EXOC6B: variants seen among roughly 807,000 people sequenced by gnomAD.
EXOC6B encodes the protein exocyst complex component 6B, also known as SEC15 homolog B.
In EXOC6B, 54 loss-of-function variants were observed where a neutral mutation model predicts 113.5. The observed-to-expected ratio is 0.48, with a 90% CI of 0.38 to 0.60. The LOEUF is 0.60. Among genes scored for constraint, EXOC6B ranks in the 20% least tolerant of loss-of-function variants. EXOC6B has a pLI of 0.00. For missense variants in EXOC6B, 797 were observed against 977.5 expected (o/e 0.82, Z 2.46); for synonymous variants, 357 against 339.0 (o/e 1.05, Z -0.58).
At chr2:72,192,227 C>A (rs1326628829) in intron 20 of EXOC6B, among the ~76,000 whole-genome samples, 1 of 152,088 alleles carries the variant, frequency 6.6e-6, no homozygotes, top group African/African-American at 2.4e-5. Context: ...AGATTCTCAG[C>A]AGGTAGTCAG....
At chr2:72,403,268 C>A (rs970801370) in intron 18 of EXOC6B, among the ~76,000 whole-genome samples, 11 of 152,148 alleles carry the variant, frequency 7.2e-5, no homozygotes, top group Non-Finnish European at 1.5e-4. Flanking sequence ...CACTTTATAA[C>A]ATTTTGAAAC....
chr2:72,641,046 A>G (rs1327213815), intron 6 of EXOC6B, among the ~76,000 whole-genome samples: 1 of 152,180 alleles, frequency 6.6e-6, no homozygotes, highest in East Asian at 1.9e-4. Context: ...TCCCGCTGAC[A>G]ATATTTGACA....
At chr2:72,612,778 T>C (rs768493956) in intron 6 of EXOC6B, among the ~76,000 whole-genome samples, 1 of 152,190 alleles carries the variant, frequency 6.6e-6, no homozygotes, top group Non-Finnish European at 1.5e-5. Flanking sequence ...CTCCCTATAC[T>C]TCCTTACAAG....
At position 72,259,464 on chromosome 2, in the gene EXOC6B, T is replaced by C. The variant is rs1017074872; in HGVS notation, c.2197-75277A>G. On this transcript the variant is annotated intron_variant, in intron 20 of 21. Transcript: ENST00000272427. ...AACTCTTGGGATCTTTCATCTTCTT[T>C]AAATTACTAATGCAGTTGCTATGAA... Among the ~76,000 whole-genome samples, 8 of 152,226 alleles carry C rather than the reference T, an allele frequency of 5.3e-5. No individual in the cohort carries two copies. In the South Asian group the frequency reaches 1.7e-3, roughly 32 times the overall value.
intron 20 of EXOC6B, among the ~76,000 whole-genome samples, chr2:72,214,964 C>T (rs13430254): frequency 6.6e-6 from 1 of 152,076 alleles, no homozygotes; most frequent in East Asian, 1.9e-4. Context: ...GGAGGAAATG[C>T]AGCAAAGAGG....
At chr2:72,282,119 T>C (rs928003095) in intron 20 of EXOC6B, among the ~76,000 whole-genome samples, 2 of 152,126 alleles carry the variant, frequency 1.3e-5, no homozygotes, top group Non-Finnish European at 2.9e-5. Flanking sequence ...GCTGAGATGA[T>C]TCAACATCTG....
chr2:72,465,323 G>T lies in EXOC6B; in HGVS notation c.1817C>A (p.Ala606Asp), dbSNP rs1377805911. 6.3e-7 allele frequency: 1 copy of T among 1,598,028 alleles called. No homozygotes were observed. The highest frequency in any genetic ancestry group is 8.5e-7 in the Non-Finnish European group (1 of 1,171,958). ...TTTFKDARHA[A>D]EEEIYTNLNQ... The stretch of plus-strand genomic sequence containing the variant: ...TAAGTTGGTATAAATCTCTTCTTCA[G>T]CTGCATGTCTAGCATCCTGTGAAAA... Residue 606 changes from alanine to aspartate, a missense_variant, in exon 18 of 22, where the codon GCT (alanine) becomes GAT (aspartate). Physicochemically the swap from Ala to Asp is moderately radical, Grantham distance 126 (BLOSUM62 -2). Coordinates refer to ENST00000272427, the MANE Select transcript of EXOC6B (RefSeq NM_015189.3).
intron 5 of EXOC6B, among the ~76,000 whole-genome samples, chr2:72,720,256 T>G (rs1436639108): frequency 1.3e-5 from 2 of 149,900 alleles, no homozygotes; most frequent in African/African-American, 4.9e-5. Flanking sequence ...ACATGAAAAA[T>G]AGAAAACAAA....
At chr2:72,527,414 T>C (rs528096717) in intron 8 of EXOC6B, among the ~76,000 whole-genome samples, 3 of 152,098 alleles carry the variant, frequency 2.0e-5, no homozygotes, top group African/African-American at 4.8e-5. Flanking sequence ...TATTCTATTA[T>C]ATCAATGTAC....
At chr2:72,645,422 G>A (rs953210762) in intron 6 of EXOC6B, among the ~76,000 whole-genome samples, 47 of 152,140 alleles carry the variant, frequency 3.1e-4, no homozygotes, top group Non-Finnish European at 4.9e-4. Context: ...ATTGAACTCA[G>A]CTCTGCACCA....
At chr2:72,315,921 T>C (rs1188448879) in intron 20 of EXOC6B, among the ~76,000 whole-genome samples, 1 of 152,216 alleles carries the variant, frequency 6.6e-6, no homozygotes, top group African/African-American at 2.4e-5. Flanking sequence ...GGCTATGTTA[T>C]ATTTTCAACA....
At chr2:72,390,477 T>G (rs1018635864) in intron 18 of EXOC6B, among the ~76,000 whole-genome samples, 2 of 152,222 alleles carry the variant, frequency 1.3e-5, no homozygotes, top group African/African-American at 4.8e-5. Flanking sequence ...AATTTTTTAT[T>G]GAATACTGGA....
rs1033107536 is a variant in EXOC6B, at chr2:72,232,254, T to G, written c.2197-48067A>C. On this transcript the variant is annotated intron_variant, in intron 20 of 21. Coordinates refer to ENST00000272427, the MANE Select transcript of EXOC6B (RefSeq NM_015189.3). ...CCTCCCAAAGTGCTGGTATTACAGGTGTGAGCCACTGTGCCCAGCCTCTGC... is the reference window on the plus strand; with the variant it reads ...CCTCCCAAAGTGCTGGTATTACAGGGGTGAGCCACTGTGCCCAGCCTCTGC... 8.5e-5 allele frequency among the ~76,000 whole-genome samples: 13 copies of G among 152,226 alleles called. No individual in the cohort carries two copies. In the South Asian group the frequency reaches 2.7e-3, roughly 32 times the overall value.
intron 20 of EXOC6B, among the ~76,000 whole-genome samples, chr2:72,295,422 T>C (rs940370637): frequency 3.9e-5 from 6 of 152,218 alleles, no homozygotes; most frequent in Non-Finnish European, 7.3e-5. Context: ...TTTCACTTTC[T>C]TGCATGTAAT....
At chr2:72,296,275 G>T (rs2104734251) in intron 20 of EXOC6B, among the ~76,000 whole-genome samples, 1 of 152,126 alleles carries the variant, frequency 6.6e-6, no homozygotes, top group East Asian at 1.9e-4. Flanking sequence ...TGATATGTTT[G>T]GGGGAGAAGA....
rs955996703 is a variant in EXOC6B at position 72,711,671 on chromosome 2, G to C, written c.669+6432C>G. 5.3e-5 allele frequency among the ~76,000 whole-genome samples: 8 copies of C among 152,040 alleles called. No individual in the cohort carries two copies. In the East Asian group the frequency reaches 1.5e-3, roughly 29 times the overall value. ...TAAAATAGAACAATTATAACCATAT[G>C]CCAGTATCATTACTCTTGCACTTTG... On this transcript the variant is annotated intron_variant, in intron 6 of 21. Coordinates refer to ENST00000272427, the MANE Select transcript of EXOC6B (RefSeq NM_015189.3).
rs995526757 is a variant in EXOC6B at position 72,430,217 on chromosome 2, G to C, written c.1980+34943C>G. On this transcript the variant is annotated intron_variant, in intron 18 of 21. Transcript: ENST00000272427. ...ACTACTGATGTAGCCAATACCTTCT[G>C]CTCATCTATAAAGTTGGTCTTTTCT... Among the ~76,000 whole-genome samples, 11 of 152,206 alleles carry C rather than the reference G, an allele frequency of 7.2e-5. 1 individual carries two copies. The highest frequency in any genetic ancestry group is 2.7e-4 in the African/African-American group (11 of 41,448).
intron 20 of EXOC6B, among the ~76,000 whole-genome samples, chr2:72,255,311 T>C (rs1303516347): frequency 6.6e-6 from 1 of 152,238 alleles, no homozygotes; most frequent in Non-Finnish European, 1.5e-5. Context: ...GAAGGATTGC[T>C]GTTGGGCTTA....
intron 20 of EXOC6B, among the ~76,000 whole-genome samples, chr2:72,294,923 TA>T (rs1243374467): frequency 6.6e-6 from 1 of 152,096 alleles, no homozygotes; most frequent in East Asian, 1.9e-4. Flanking sequence ...TTTTAAACAT[TA>T]AAAATATGTC....
Sources: allele counts gnomAD v4.1 joint callset (sites outside exome capture counted in the v4.1 genomes callset), GRCh38; gene constraint gnomAD v4.1.1; transcripts MANE v1.5; gene names NCBI Gene and HGNC (gene_info 2026-07-23, HGNC 2026-07-21).